The following NPAS3 variants were observed in gnomAD, a reference collection of about 807,000 sequenced individuals.
NPAS3 encodes neuronal PAS domain protein 3.
NPAS3 carries 14 observed loss-of-function variants against 73.1 expected under a neutral mutation model. That is an observed-to-expected ratio of 0.19 (90% CI 0.13 to 0.30). The LOEUF (loss-of-function observed/expected upper bound fraction) is 0.30, where lower values mean the gene tolerates loss of function less well. Ranked by LOEUF, NPAS3 falls within the 10% of genes least tolerant of loss-of-function variation. The pLI, the probability that NPAS3 is intolerant of heterozygous loss-of-function variation, is 1.00. For missense variants in NPAS3, 1,096 were observed against 1,250.0 expected (o/e 0.88, Z 1.86); for synonymous variants, 620 against 541.5 (o/e 1.14, Z -2.01).
At chr14:33,198,248 G>T (rs1002775785) in intron 2 of NPAS3, among the ~76,000 whole-genome samples, 11 of 152,076 alleles carry the variant, frequency 7.2e-5, no homozygotes, top group South Asian at 6.2e-4. Flanking sequence ...CATGGAAGGG[G>T]ACCCAAGCAG....
chr14:33,147,730 A>AATATAT (rs10674790), intron 2 of NPAS3, among the ~76,000 whole-genome samples: 20,512 of 129,760 alleles, frequency 0.16, 1,702 homozygotes, highest in Non-Finnish European at 0.17. Flanking sequence ...TAGAATAAAA[A>AATATAT]ATATATATAT....
At chr14:33,432,140 A>G (rs537732528) in intron 4 of NPAS3, among the ~76,000 whole-genome samples, 1 of 152,264 alleles carries the variant, frequency 6.6e-6, no homozygotes, top group African/African-American at 2.4e-5. Flanking sequence ...CAGAGCTCTC[A>G]CCACCCCTCC....
In NPAS3 at chr14:33,198,774, A is replaced by T. The variant is rs527583294; in HGVS notation, c.141-16408A>T. 1.6e-3 allele frequency among the ~76,000 whole-genome samples: 250 copies of T among 152,262 alleles called. 2 individuals are homozygous for T. Among genetic ancestry groups the T allele is most frequent in the Admixed American group, 0.014 (218 of 15,300 alleles). ...GCCCTTGGGTGGTAGATGGGACCGG[A>T]CGCCATGGAGCAGGGGCAGTGCCTG... On this transcript the variant is annotated intron_variant, in intron 2 of 11. Transcript: ENST00000356141.
At chr14:33,466,965 G>A (rs1213499069) in intron 4 of NPAS3, among the ~76,000 whole-genome samples, 1 of 152,154 alleles carries the variant, frequency 6.6e-6, no homozygotes, top group East Asian at 1.9e-4. Flanking sequence ...TAAAAGAAAG[G>A]TTAGGCTAAA....
intron 5 of NPAS3, among the ~76,000 whole-genome samples, chr14:33,671,174 A>G (rs1457574246): frequency 6.6e-6 from 1 of 152,170 alleles, no homozygotes; most frequent in Non-Finnish European, 1.5e-5. Flanking sequence ...CCCTTCAATC[A>G]AAGAAGCACT....
chr14:33,118,294 AT>A lies in NPAS3; in HGVS notation c.140+62301del, dbSNP rs555988789. ...TGATGGGGATTGGAAGTGGGAAAGT[AT>A]ACTTAAAAGGAAAAAAGGAAACATT... On this transcript the variant is annotated intron_variant, in intron 2 of 11. Transcript: ENST00000356141. Among the ~76,000 whole-genome samples the A allele has an allele frequency of 1.8e-3, 274 of 152,244 alleles. 1 individual carries two copies. Among genetic ancestry groups the A allele is most frequent in the African/African-American group, 6.4e-3 (265 of 41,576 alleles).
chr14:33,657,831 G>C (rs1297490537), intron 5 of NPAS3, among the ~76,000 whole-genome samples: 1 of 152,168 alleles, frequency 6.6e-6, no homozygotes, highest in Non-Finnish European at 1.5e-5. Flanking sequence ...CAGTGGGAGT[G>C]GGGTGCGTTG....
intron 3 of NPAS3, among the ~76,000 whole-genome samples, chr14:33,227,153 G>A (rs962455451): frequency 1.3e-5 from 2 of 152,182 alleles, no homozygotes; most frequent in African/African-American, 4.8e-5. Flanking sequence ...GTAAAGTGGT[G>A]CAGTGATATT....
chr14:33,574,034 G>T (rs182314155), intron 5 of NPAS3, among the ~76,000 whole-genome samples: 75 of 152,326 alleles, frequency 4.9e-4, no homozygotes, highest in Admixed American at 3.2e-3. Flanking sequence ...TGAGAAGCTC[G>T]TGGGACATCT....
intron 2 of NPAS3, among the ~76,000 whole-genome samples, chr14:33,198,617 C>T (rs1173531126): frequency 6.6e-6 from 1 of 152,210 alleles, no homozygotes; most frequent in Non-Finnish European, 1.5e-5. Context: ...ATTTATACTC[C>T]TTTGGCTAGA....
chr14:33,119,254 A>T (rs1385606268), intron 2 of NPAS3, among the ~76,000 whole-genome samples: 1 of 151,870 alleles, frequency 6.6e-6, no homozygotes, highest in African/African-American at 2.4e-5. Flanking sequence ...GCTTTTTAGT[A>T]CTCTCTATTT....
chr14:33,102,798 G>A (rs946373446), intron 2 of NPAS3, among the ~76,000 whole-genome samples: 4 of 152,120 alleles, frequency 2.6e-5, no homozygotes, highest in Non-Finnish European at 5.9e-5. Flanking sequence ...TCTAAGATAG[G>A]CTCCAATTTA....
intron 9 of NPAS3, among the ~76,000 whole-genome samples, chr14:33,783,798 C>T (rs1366298701): frequency 6.6e-6 from 1 of 152,078 alleles, no homozygotes; most frequent in Non-Finnish European, 1.5e-5. Context: ...TAAGGCCTTC[C>T]CCAATCAGAA....
chr14:33,395,758 A>G (rs2047196513), intron 4 of NPAS3, among the ~76,000 whole-genome samples: 1 of 152,268 alleles, frequency 6.6e-6, no homozygotes, highest in East Asian at 1.9e-4. Flanking sequence ...CATTTATTAT[A>G]TATTGCCTTA....
chr14:33,344,665 G>C (rs1179979699), intron 3 of NPAS3, among the ~76,000 whole-genome samples: 1 of 152,126 alleles, frequency 6.6e-6, no homozygotes, highest in Non-Finnish European at 1.5e-5. Flanking sequence ...CTGTATACTA[G>C]AGTTGAAATT....
chr14:33,790,853 G>C (rs2063338117), intron 9 of NPAS3, among the ~76,000 whole-genome samples: 1 of 152,142 alleles, frequency 6.6e-6, no homozygotes, highest in South Asian at 2.1e-4. Flanking sequence ...ATTTTTAGTA[G>C]AGGCAGCGTC....
chr14:33,589,412 C>T (rs541533510), intron 5 of NPAS3, among the ~76,000 whole-genome samples: 79 of 152,314 alleles, frequency 5.2e-4, no homozygotes, highest in Middle Eastern at 3.4e-3. Flanking sequence ...CAGCAACCTT[C>T]AAATACTTTA....
intron 5 of NPAS3, among the ~76,000 whole-genome samples, chr14:33,618,298 A>G (rs2057980141): frequency 6.6e-6 from 1 of 152,032 alleles, no homozygotes; most frequent in Non-Finnish European, 1.5e-5. Context: ...ATATAATGTA[A>G]TATATAATTA....
At chr14:33,122,277 T>TG (rs61127162) in intron 2 of NPAS3, among the ~76,000 whole-genome samples, 2,862 of 152,168 alleles carry the variant, frequency 0.019, 81 homozygotes, top group African/African-American at 0.06. Context: ...GCTGTGGAAG[T>TG]GTGAAATGAA....
Sources: gnomAD v4.1 joint callset for allele counts (sites outside exome capture counted in the v4.1 genomes callset) on GRCh38, gnomAD v4.1.1 for gene constraint, MANE v1.5 for transcripts, NCBI Gene and HGNC (gene_info 2026-07-23, HGNC 2026-07-21) for gene names.